The following CRACD variants were observed in gnomAD, a reference collection of about 807,000 sequenced individuals.
The protein encoded by CRACD is capping protein-inhibiting regulator of actin dynamics.
Under a neutral mutation model 106.8 loss-of-function variants are expected in CRACD, and 56 were observed. The observed-to-expected ratio is 0.52, with a 90% CI of 0.42 to 0.66. The LOEUF (loss-of-function observed/expected upper bound fraction) is 0.66, where lower values mean the gene tolerates loss of function less well. Among genes scored for constraint, CRACD ranks in the 30% least tolerant of loss-of-function variants. CRACD has a pLI of 0.00. For synonymous variants in CRACD, 754 were observed against 670.8 expected (o/e 1.12, Z -1.92); for missense variants, 1,730 against 1,623.2 (o/e 1.07, Z -1.13).
chr4:56,087,744 C>T (rs1275196156), intron 1 of CRACD, among the ~76,000 whole-genome samples: 3 of 152,104 alleles, frequency 2.0e-5, no homozygotes, highest in African/African-American at 7.2e-5. Context: ...TATACAAAAC[C>T]GACCTCAGTC....
intron 2 of CRACD, among the ~76,000 whole-genome samples, chr4:56,230,700 CTT>C (rs1168347613): frequency 6.6e-6 from 1 of 152,162 alleles, no homozygotes; most frequent in African/African-American, 2.4e-5. Context: ...AAGTCTCTCT[CTT>C]GTATATATTA....
chr4:56,254,831 G>A (rs970715680), intron 2 of CRACD, among the ~76,000 whole-genome samples: 4 of 151,480 alleles, frequency 2.6e-5, no homozygotes, highest in African/African-American at 7.3e-5. Context: ...TCAGCTGGCC[G>A]CGGTGGCTCA....
rs1296184676 is a variant in CRACD, at chr4:56,143,767, CTTCA to C, written c.-335-35510_-335-35507del. On this transcript the variant is annotated intron_variant, in intron 1 of 10. Transcript: ENST00000682029. ...TTTCATCTTTATTGTCAATGTTATA[CTTCA>C]TTCATTATTTTAATAAACATATAGA... is the stretch of plus-strand genomic sequence containing the variant. Among the ~76,000 whole-genome samples the C allele has an allele frequency of 1.6e-4, 25 of 152,094 alleles. 1 individual carries two copies. Among genetic ancestry groups the C allele is most frequent in the South Asian group, 1.2e-3 (6 of 4,820 alleles).
rs2109808736 is a variant in CRACD at position 56,327,737 on chromosome 4, C to A, written c.3635C>A (p.Pro1212Gln). The A allele has an allele frequency of 6.2e-7, 1 of 1,614,166 alleles. No homozygotes were observed. The highest frequency in any genetic ancestry group is 1.7e-5 in the Admixed American group (1 of 60,018). ...GATGCTGCCCCCGTGTCAACAGAAC[C>A]AGCCTGGCTGGCTTTGGCCAAAAGG... Reference protein sequence around the residue: ...TPDAAPVSTEPAWLALAKRKA... With the variant: ...TPDAAPVSTEQAWLALAKRKA... The change falls in exon 11 of 11, where the codon CCA becomes CAA. Residue 1212 changes from proline to glutamine, a missense_variant. Physicochemically the swap from Pro to Gln is moderately conservative, Grantham distance 76. Coordinates refer to ENST00000682029, the MANE Select transcript of CRACD (RefSeq NM_001393381.1).
chr4:56,307,908 G>A (rs761300988), intron 5 of CRACD, among the ~76,000 whole-genome samples: 19 of 152,160 alleles, frequency 1.2e-4, no homozygotes, highest in South Asian at 4.1e-4. Context: ...CTTTGCAGGC[G>A]GTCTTCCCAG....
chr4:56,325,004 G>T (rs1307065554), intron 10 of CRACD, among the ~76,000 whole-genome samples: 2 of 152,086 alleles, frequency 1.3e-5, no homozygotes, highest in African/African-American at 4.8e-5. Context: ...TACAAGTATG[G>T]TGTATATATA....
intron 2 of CRACD, among the ~76,000 whole-genome samples, chr4:56,247,290 A>G (rs1740738969): frequency 7.0e-6 from 1 of 143,762 alleles, no homozygotes; most frequent in East Asian, 1.9e-4. Flanking sequence ...TCAGTCTTAC[A>G]GTGAATACAG....
chr4:56,067,949 T>C (rs1300163021), intron 1 of CRACD, among the ~76,000 whole-genome samples: 1 of 152,238 alleles, frequency 6.6e-6, no homozygotes, highest in Non-Finnish European at 1.5e-5. Flanking sequence ...TATTGAGTGT[T>C]TACTATTTGG....
intron 1 of CRACD, among the ~76,000 whole-genome samples, chr4:56,078,135 T>C (rs1424997808): frequency 1.3e-5 from 2 of 152,260 alleles, no homozygotes; most frequent in African/African-American, 2.4e-5. Context: ...ATTCATGTGG[T>C]ACATTGGTGT....
At chr4:56,140,710 C>T (rs1735165752) in intron 1 of CRACD, among the ~76,000 whole-genome samples, 2 of 152,182 alleles carry the variant, frequency 1.3e-5, no homozygotes, top group African/African-American at 4.8e-5. Context: ...AGGGCCAGTT[C>T]TTTGAAACAT....
At chr4:56,309,422 A>T (rs1744976291) in intron 5 of CRACD, among the ~76,000 whole-genome samples, 1 of 152,118 alleles carries the variant, frequency 6.6e-6, no homozygotes, top group Non-Finnish European at 1.5e-5. Context: ...TACAGGATAG[A>T]TGGTGTCGCA....
At chr4:56,218,589 C>T (rs1738861840) in intron 2 of CRACD, among the ~76,000 whole-genome samples, 1 of 147,294 alleles carries the variant, frequency 6.8e-6, no homozygotes, top group Non-Finnish European at 1.5e-5. Context: ...CCCCTCCCCT[C>T]CCTTCCCCTT....
intron 2 of CRACD, among the ~76,000 whole-genome samples, chr4:56,240,868 G>T (rs148925176): frequency 9.8e-5 from 15 of 152,292 alleles, no homozygotes; most frequent in African/African-American, 3.4e-4. Context: ...ATTCTTATGT[G>T]TCTGGTGAGC....
Position 56,307,593 on chromosome 4 carries a change from A to G in CRACD, c.179A>G (p.Asn60Ser), listed in dbSNP as rs1469073570. 6.2e-7 allele frequency: 1 copy of G among 1,614,234 alleles called. No individual in the cohort carries two copies. The highest frequency in any genetic ancestry group is 1.1e-5 in the South Asian group (1 of 91,086). Reference sequence around the variant, plus strand: ...CGGTCACCCAATGCCATTCCCATGAATAAGGCAAACAGTGGAGAGGCTAGC... The same window carrying G: ...CGGTCACCCAATGCCATTCCCATGAGTAAGGCAAACAGTGGAGAGGCTAGC... ...GQRSPNAIPMNKANSGEASLE... is the reference protein window; with the variant it reads ...GQRSPNAIPMSKANSGEASLE... The change falls in exon 5 of 11, where the codon AAT becomes AGT. Residue 60 changes from asparagine to serine, a missense_variant. Asn to Ser is a conservative substitution (Grantham distance 46). This residue lies in a region of CRACD where 1,620 missense variants were observed against 1,481.6 expected (regional missense o/e 1.09). Transcript: ENST00000682029.
At chr4:56,195,743 T>C (rs1553909277) in intron 2 of CRACD, among the ~76,000 whole-genome samples, 1 of 152,206 alleles carries the variant, frequency 6.6e-6, no homozygotes, top group Non-Finnish European at 1.5e-5. Context: ...TTCTGCGTTA[T>C]TGGGAAAATA....
At chr4:56,114,769 C>A (rs1734224272) in intron 1 of CRACD, among the ~76,000 whole-genome samples, 1 of 152,010 alleles carries the variant, frequency 6.6e-6, no homozygotes, top group African/African-American at 2.4e-5. Flanking sequence ...TTTTGTGCAA[C>A]ACTTGTTGCA....
chr4:56,185,192 C>T (rs549201112), intron 2 of CRACD, among the ~76,000 whole-genome samples: 1 of 152,082 alleles, frequency 6.6e-6, no homozygotes, highest in African/African-American at 2.4e-5. Flanking sequence ...CTCCTGACCT[C>T]GTGATCTGCC....
intron 1 of CRACD, among the ~76,000 whole-genome samples, chr4:56,061,458 G>A (rs1732271721): frequency 6.6e-6 from 1 of 151,916 alleles, no homozygotes; most frequent in African/African-American, 2.4e-5. Context: ...AGACATGAGC[G>A]CCACTATGCC....
At chr4:56,168,991 A>G (rs543270786) in intron 1 of CRACD, among the ~76,000 whole-genome samples, 1 of 152,154 alleles carries the variant, frequency 6.6e-6, no homozygotes, top group South Asian at 2.1e-4. Flanking sequence ...AATATATTAA[A>G]CAAGTCAAAT....
Sources: gnomAD v4.1 joint callset for allele counts (sites outside exome capture counted in the v4.1 genomes callset) on GRCh38, gnomAD v4.1.1 for gene constraint, gnomAD v4.1.1 regional missense constraint, MANE v1.5 for transcripts, NCBI Gene and HGNC (gene_info 2026-07-23, HGNC 2026-07-21) for gene names.